Variants in EXOC6B observed in about 807,000 individuals in gnomAD.
The protein encoded by EXOC6B is SEC15 homolog B.
A neutral mutation model predicts 113.5 loss-of-function variants in EXOC6B; 54 were observed. That is an observed-to-expected ratio of 0.48 (90% CI 0.38 to 0.60). EXOC6B has a LOEUF of 0.60. Ranked by LOEUF, EXOC6B falls within the 20% of genes least tolerant of loss-of-function variation. EXOC6B has a pLI of 0.00. For missense variants in EXOC6B, 797 were observed against 977.5 expected (o/e 0.82, Z 2.46); for synonymous variants, 357 against 339.0 (o/e 1.05, Z -0.58).
At chr2:72,439,311 G>A (rs115892329) in intron 18 of EXOC6B, among the ~76,000 whole-genome samples, 3 of 152,156 alleles carry the variant, frequency 2.0e-5, no homozygotes, top group African/African-American at 7.2e-5. Context: ...GCTCATGGAA[G>A]ATACCCTGAA....
intron 11 of EXOC6B, among the ~76,000 whole-genome samples, chr2:72,508,519 C>A (rs1700730756): frequency 6.6e-6 from 1 of 152,096 alleles, no homozygotes; most frequent in Non-Finnish European, 1.5e-5. Context: ...TGCCTGTAAT[C>A]CCAGCCCTTT....
chr2:72,578,271 G>A (rs1704996406), intron 6 of EXOC6B, among the ~76,000 whole-genome samples: 3 of 151,974 alleles, frequency 2.0e-5, no homozygotes, highest in Admixed American at 1.3e-4. Context: ...AAGGGAAATT[G>A]GGCAGGTGGG....
chr2:72,268,692 G>A (rs1348609046), intron 20 of EXOC6B, among the ~76,000 whole-genome samples: 1 of 152,042 alleles, frequency 6.6e-6, no homozygotes, highest in Non-Finnish European at 1.5e-5. Flanking sequence ...ATGACTTGGG[G>A]CTGTCCTTGA....
intron 19 of EXOC6B, among the ~76,000 whole-genome samples, chr2:72,339,468 C>A (rs2104899554): frequency 1.3e-5 from 2 of 152,228 alleles, no homozygotes; most frequent in South Asian, 4.1e-4. Context: ...CAAACCCCAC[C>A]TTTGACCAAT....
chr2:72,638,755 G>A (rs1378434907), intron 6 of EXOC6B, among the ~76,000 whole-genome samples: 2 of 152,186 alleles, frequency 1.3e-5, no homozygotes, highest in Non-Finnish European at 2.9e-5. Context: ...GAGCCTAGAG[G>A]GTTTGGTGCA....
chr2:72,487,182 C>T (rs1406749014), intron 16 of EXOC6B, among the ~76,000 whole-genome samples: 3 of 152,180 alleles, frequency 2.0e-5, no homozygotes, highest in East Asian at 1.9e-4. Flanking sequence ...ACTAATTGAA[C>T]GCCATACTTT....
chr2:72,212,613 A>G lies in EXOC6B; in HGVS notation c.2197-28426T>C, dbSNP rs527995833. Among the ~76,000 whole-genome samples, 3 of 152,364 alleles carry G rather than the reference A, an allele frequency of 2.0e-5. No individual in the cohort carries two copies. In the South Asian group the frequency reaches 6.2e-4, roughly 32 times the overall value. ...GGAGGAAATGGACCAAGAATTTGCAACTTGTATCCTTCCAGGTTTTTCCTC... is the reference window on the plus strand; with the variant it reads ...GGAGGAAATGGACCAAGAATTTGCAGCTTGTATCCTTCCAGGTTTTTCCTC... On this transcript the variant is annotated intron_variant, in intron 20 of 21. Coordinates refer to ENST00000272427, the MANE Select transcript of EXOC6B (RefSeq NM_015189.3).
At chr2:72,331,092 T>A (rs1442233543) in intron 20 of EXOC6B, among the ~76,000 whole-genome samples, 1 of 152,106 alleles carries the variant, frequency 6.6e-6, no homozygotes, top group Admixed American at 6.6e-5. Context: ...TGGGGTAATT[T>A]ATTTTGTAGC....
chr2:72,434,749 A>G (rs1468311719), intron 18 of EXOC6B, among the ~76,000 whole-genome samples: 1 of 152,122 alleles, frequency 6.6e-6, no homozygotes, highest in Non-Finnish European at 1.5e-5. Flanking sequence ...ATTGGGGGTT[A>G]TATCCCCTTT....
At chr2:72,373,091 G>T (rs1257799444) in intron 19 of EXOC6B, among the ~76,000 whole-genome samples, 3 of 145,992 alleles carry the variant, frequency 2.1e-5, no homozygotes, top group Non-Finnish European at 4.5e-5. Flanking sequence ...TTGAGATGGA[G>T]TCTCGCTGCA....
chr2:72,359,508 T>C (rs1216718671), intron 19 of EXOC6B, among the ~76,000 whole-genome samples: 5 of 152,116 alleles, frequency 3.3e-5, no homozygotes, highest in African/African-American at 1.2e-4. Context: ...AGGAAATAAA[T>C]TTCTATTATT....
intron 19 of EXOC6B, among the ~76,000 whole-genome samples, chr2:72,366,452 C>A (rs1690635227): frequency 6.6e-6 from 1 of 152,026 alleles, no homozygotes; most frequent in Non-Finnish European, 1.5e-5. Flanking sequence ...TCGGTAACCA[C>A]AGGACAATGT....
At chr2:72,310,122 C>A (rs1687099075) in intron 20 of EXOC6B, among the ~76,000 whole-genome samples, 2 of 152,120 alleles carry the variant, frequency 1.3e-5, no homozygotes, top group African/African-American at 2.4e-5. Flanking sequence ...TTTGTTTGAA[C>A]ACTTGTTTTC....
At chr2:72,190,653 A>T (rs926268445) in intron 20 of EXOC6B, among the ~76,000 whole-genome samples, 1 of 152,156 alleles carries the variant, frequency 6.6e-6, no homozygotes, top group African/African-American at 2.4e-5. Context: ...GAGCAGAAAC[A>T]TATGTATTTT....
chr2:72,615,827 T>C (rs1671356489), intron 6 of EXOC6B, among the ~76,000 whole-genome samples: 1 of 152,042 alleles, frequency 6.6e-6, no homozygotes, highest in African/African-American at 2.4e-5. Flanking sequence ...GAAGGCATGG[T>C]TATTATAGAA....
chr2:72,280,992 A>G (rs893800957), intron 20 of EXOC6B, among the ~76,000 whole-genome samples: 2 of 152,120 alleles, frequency 1.3e-5, no homozygotes, highest in Non-Finnish European at 2.9e-5. Context: ...AAATGGCTAA[A>G]AAATAGAGTT....
intron 6 of EXOC6B, among the ~76,000 whole-genome samples, chr2:72,646,432 T>C (rs1334928894): frequency 6.6e-6 from 1 of 151,788 alleles, no homozygotes; most frequent in Non-Finnish European, 1.5e-5. Flanking sequence ...AAAGAGGGAA[T>C]CCTCCCTAAC....
intron 19 of EXOC6B, among the ~76,000 whole-genome samples, chr2:72,371,869 C>T (rs760261681): frequency 5.9e-5 from 9 of 151,902 alleles, no homozygotes; most frequent in Non-Finnish European, 1.0e-4. Context: ...TCATCCAACT[C>T]GAAAAGGAAG....
intron 18 of EXOC6B, among the ~76,000 whole-genome samples, chr2:72,410,646 T>A (rs1205102892): frequency 6.6e-6 from 1 of 152,234 alleles, no homozygotes; most frequent in Non-Finnish European, 1.5e-5. Flanking sequence ...ACTATATTCA[T>A]GTTGAGTACA....
Sources: allele counts gnomAD v4.1 joint callset (sites outside exome capture counted in the v4.1 genomes callset), GRCh38; gene constraint gnomAD v4.1.1; transcripts MANE v1.5; gene names NCBI Gene and HGNC (gene_info 2026-07-23, HGNC 2026-07-21).